The following TANGO2 variants were observed in gnomAD, a reference collection of about 807,000 sequenced individuals.
The protein encoded by TANGO2 is transport and golgi organization 2 homolog.
A neutral mutation model predicts 39.1 loss-of-function variants in TANGO2; 26 were observed. The ratio of observed to expected loss-of-function variants is 0.67; its 90% confidence interval spans 0.49 to 0.92. TANGO2 has a LOEUF of 0.92. TANGO2 is among the 40% of genes least tolerant of loss of function. TANGO2 has a pLI of 0.00. For synonymous variants in TANGO2, 131 were observed against 144.5 expected (o/e 0.91, Z 0.67); for missense variants, 326 against 360.1 (o/e 0.91, Z 0.77).
At chr22:20,046,478 T>G (rs1221946376) in intron 3 of TANGO2, among the ~76,000 whole-genome samples, 1 of 147,938 alleles carries the variant, frequency 6.8e-6, no homozygotes, top group Non-Finnish European at 1.5e-5. Context: ...TTTTTTTTTT[T>G]TTTTGAGACA....
chr22:20,064,715 C>T lies in TANGO2; in HGVS notation c.*53C>T. ...TCCTGGGGGGCCCTGCCTTGAGGGG[C>T]ACTGTGGACAGGAAACCTTCCTTTG... On this transcript the variant is annotated 3_prime_UTR_variant, in exon 9 of 9. Coordinates refer to ENST00000327374, the MANE Select transcript of TANGO2 (RefSeq NM_152906.7). The T allele has an allele frequency of 6.2e-7, 1 of 1,603,120 alleles. No homozygotes were observed. The highest frequency in any genetic ancestry group is 8.5e-7 in the Non-Finnish European group (1 of 1,174,768).
At chr22:20,043,011 G>A (rs964182762) in intron 2 of TANGO2, among the ~76,000 whole-genome samples, 7 of 152,072 alleles carry the variant, frequency 4.6e-5, no homozygotes, top group African/African-American at 1.7e-4. Flanking sequence ...GACAGAAGGA[G>A]GAACAGCCCC....
At chr22:20,055,791 T>C (rs975876409) in intron 5 of TANGO2, 152 bp from the exon 6 acceptor site, 2 of 671,966 alleles carry the variant, frequency 3.0e-6, no homozygotes, top group Non-Finnish European at 5.3e-6. Context: ...GCCAGGCACC[T>C]GAGGGGCTGG....
chr22:20,050,154 T>C (rs1270777393), intron 3 of TANGO2, among the ~76,000 whole-genome samples: 1 of 151,898 alleles, frequency 6.6e-6, no homozygotes, highest in East Asian at 1.9e-4. Flanking sequence ...GAGCTTGCAG[T>C]GAACTGAGAT....
intron 2 of TANGO2, among the ~76,000 whole-genome samples, chr22:20,040,666 C>T (rs914389605): frequency 6.6e-6 from 1 of 152,212 alleles, no homozygotes; most frequent in Non-Finnish European, 1.5e-5. Flanking sequence ...CAATGGGCAC[C>T]TACAGGACTG....
At chr22:20,039,436 C>T (rs2043487979) in intron 2 of TANGO2, among the ~76,000 whole-genome samples, 2 of 151,370 alleles carry the variant, frequency 1.3e-5, no homozygotes, top group Non-Finnish European at 2.9e-5. Flanking sequence ...CGAGACCAGC[C>T]TGGCCAACAT....
At chr22:20,031,487 C>G (rs1490623855) in intron 1 of TANGO2, among the ~76,000 whole-genome samples, 1 of 152,252 alleles carries the variant, frequency 6.6e-6, no homozygotes, top group African/African-American at 2.4e-5. Context: ...CTCACAGGCT[C>G]TGCTTTCAGT....
At chr22:20,038,200 G>A (rs534724700) in intron 2 of TANGO2, among the ~76,000 whole-genome samples, 11 of 152,346 alleles carry the variant, frequency 7.2e-5, no homozygotes, top group Admixed American at 2.6e-4. Context: ...AGAAGCAGTC[G>A]TCTGCATACC....
chr22:20,053,740 A>AAG (rs1217788638), intron 5 of TANGO2, 189 bp downstream of exon 5: 1 of 632,324 alleles, frequency 1.6e-6, no homozygotes, highest in Non-Finnish European at 2.9e-6. Flanking sequence ...TTTGGGGGTG[A>AAG]AGCCCAAGGC....
At chr22:20,054,729 G>C (rs951769064) in intron 5 of TANGO2, 1 of 153,298 alleles carries the variant, frequency 6.5e-6, no homozygotes, top group Non-Finnish European at 1.5e-5. Flanking sequence ...TCGGAGGTCA[G>C]TGAGCAGCCC....
chr22:20,047,481 C>T (rs561924416), intron 3 of TANGO2, among the ~76,000 whole-genome samples: 2 of 152,032 alleles, frequency 1.3e-5, no homozygotes, highest in South Asian at 2.1e-4. Context: ...GCAATCCACC[C>T]GCCTCAGCCT....
In TANGO2 at chr22:20,055,890, C is replaced by T. The variant is rs1263941380; in HGVS notation, c.381-53C>T. The T allele has an allele frequency of 6.8e-6, 10 of 1,478,996 alleles. 1 individual carries two copies. Among genetic ancestry groups the T allele is most frequent in the East Asian group, 2.3e-5 (1 of 44,180 alleles). 91.6% of individuals were successfully genotyped at this position (1,478,996 alleles called of 1,614,324 possible). On this transcript the variant is annotated intron_variant, in intron 5 of 8. Transcript: ENST00000327374. ...GGGCTGTGAGATCACCGGGCAGTGT[C>T]GGGGAGGACGCCCTATGGCTGTAGT...
Position 20,057,176 on chromosome 22 carries a change from G to T in TANGO2, c.451+1163G>T, listed in dbSNP as rs2047530542. Among the ~76,000 whole-genome samples the T allele has an allele frequency of 6.6e-6, 1 of 152,158 alleles. No individual in the cohort carries two copies. The highest frequency in any genetic ancestry group is 2.1e-4 in the South Asian group (1 of 4,830). ...GAGGGAGATGATAAGCAGTCCCCAGGACAGCTGAGTGGCCCCATCCCACCT... is the reference window on the plus strand; with the variant it reads ...GAGGGAGATGATAAGCAGTCCCCAGTACAGCTGAGTGGCCCCATCCCACCT... On this transcript the variant is annotated intron_variant, in intron 6 of 8. Coordinates refer to ENST00000327374, the MANE Select transcript of TANGO2 (RefSeq NM_152906.7). This position sits in a 1 kb window ranked among gnomAD's most constrained non-coding sequence, Gnocchi z 4.1.
chr22:20,064,264 C>A (rs116946483), intron 8 of TANGO2, among the ~76,000 whole-genome samples: 1 of 152,208 alleles, frequency 6.6e-6, no homozygotes. Context: ...TGCCTTGGCT[C>A]ATGCTACACG....
At chr22:20,056,843 C>T (rs1259800279) in intron 6 of TANGO2, 3 of 456,720 alleles carry the variant, frequency 6.6e-6, no homozygotes, top group East Asian at 6.9e-5. Context: ...CCCACAGACA[C>T]TCCTCGCTGG....
intron 7 of TANGO2, among the ~76,000 whole-genome samples, chr22:20,062,430 A>C (rs1471932595): frequency 8.8e-5 from 13 of 147,550 alleles, no homozygotes; most frequent in South Asian, 4.3e-4. Flanking sequence ...ACCATCTCCC[A>C]CTCCTCCCCC....
intron 6 of TANGO2, chr22:20,056,743 G>A: frequency 2.2e-6 from 1 of 456,286 alleles, no homozygotes; most frequent in Non-Finnish European, 4.4e-6. Context: ...AGCACTCCTG[G>A]GAAATGGCAT....
chr22:20,029,468 G>A (rs901648893), intron 1 of TANGO2, among the ~76,000 whole-genome samples: 79 of 152,354 alleles, frequency 5.2e-4, no homozygotes, highest in African/African-American at 1.7e-3. Context: ...CTAGGGGAAC[G>A]TATGCTGGGA....
At chr22:20,020,351 C>G (rs572718066), upstream of TANGO2, among the ~76,000 whole-genome samples, 5 of 152,312 alleles carry the variant, frequency 3.3e-5, no homozygotes, top group Admixed American at 1.3e-4. Flanking sequence ...TAGGCCCAGG[C>G]ACAGCCCAGA....
Sources: allele counts gnomAD v4.1 joint callset (sites outside exome capture counted in the v4.1 genomes callset), GRCh38; gene constraint gnomAD v4.1.1; non-coding constraint Gnocchi (gnomAD v3.1); transcripts MANE v1.5; gene names NCBI Gene and HGNC (gene_info 2026-07-23, HGNC 2026-07-21).